The following TECPR2 variants were observed in gnomAD, a reference collection of about 807,000 sequenced individuals.
TECPR2 encodes tectonin beta-propeller repeat-containing protein 2.
A neutral mutation model predicts 138.1 loss-of-function variants in TECPR2; 65 were observed. That is an observed-to-expected ratio of 0.47 (90% confidence interval 0.39 to 0.58). The LOEUF (loss-of-function observed/expected upper bound fraction) is 0.58, where lower values mean the gene tolerates loss of function less well. Among genes scored for constraint, TECPR2 ranks in the 20% least tolerant of loss-of-function variants. The pLI is 0.00. For synonymous variants in TECPR2, 746 were observed against 749.8 expected, an observed-to-expected ratio of 0.99 and a Z score of 0.08; for missense variants, 1,553 against 1,824.5, an observed-to-expected ratio of 0.85 and a Z score of 2.71.
chr14:102,364,585 A>G (rs936569434), intron 1 of TECPR2, among the ~76,000 whole-genome samples: 4 of 152,222 alleles, frequency 2.6e-5, no homozygotes, highest in Non-Finnish European at 4.4e-5. Context: ...TGGAATGAGG[A>G]TAACCCTCTT....
intron 2 of TECPR2, among the ~76,000 whole-genome samples, chr14:102,388,121 C>T (rs1169053407): frequency 2.6e-5 from 4 of 152,176 alleles, no homozygotes; most frequent in Non-Finnish European, 1.5e-5. Context: ...TGCCCAGTGC[C>T]TTCCATTGTC....
chr14:102,445,710 C>A, intron 12 of TECPR2, 96 bp from the exon 13 acceptor site: 1 of 1,455,046 alleles, frequency 6.9e-7, no homozygotes, highest in Non-Finnish European at 9.2e-7. Context: ...CTTCTCCCAG[C>A]CACGCCTGCC....
intron 5 of TECPR2, among the ~76,000 whole-genome samples, chr14:102,418,785 G>A (rs1162066880): frequency 1.3e-5 from 2 of 152,194 alleles, no homozygotes; most frequent in Non-Finnish European, 2.9e-5. Flanking sequence ...AGGATGGGGC[G>A]GGGTTGGTGG....
At chr14:102,403,981 T>A (rs1223019205) in intron 2 of TECPR2, among the ~76,000 whole-genome samples, 1 of 151,990 alleles carries the variant, frequency 6.6e-6, no homozygotes, top group East Asian at 1.9e-4. Flanking sequence ...CACTGCAGCC[T>A]CAATCTCCTA....
chr14:102,366,727 G>A (rs1183571801), intron 1 of TECPR2, among the ~76,000 whole-genome samples: 2 of 152,204 alleles, frequency 1.3e-5, no homozygotes, highest in Non-Finnish European at 2.9e-5. Flanking sequence ...TCTACTCTGT[G>A]CCAAAGCTAT....
chr14:102,467,787 A>G (rs1225158668), intron 17 of TECPR2, among the ~76,000 whole-genome samples: 1 of 151,300 alleles, frequency 6.6e-6, no homozygotes, highest in Non-Finnish European at 1.5e-5. Context: ...CCCTCTTTTC[A>G]TGTGTTTATT....
chr14:102,402,208 C>T (rs1228052434), intron 2 of TECPR2, among the ~76,000 whole-genome samples: 1 of 152,100 alleles, frequency 6.6e-6, no homozygotes, highest in Non-Finnish European at 1.5e-5. Context: ...CTTATTGCAA[C>T]CACAACAGGA....
At chr14:102,367,502 A>G (rs1887375980) in intron 1 of TECPR2, among the ~76,000 whole-genome samples, 1 of 152,110 alleles carries the variant, frequency 6.6e-6, no homozygotes, top group Non-Finnish European at 1.5e-5. Context: ...GGAATCATAT[A>G]ATATATGGTG....
At chr14:102,495,496 T>A (rs1891255868) in intron 17 of TECPR2, among the ~76,000 whole-genome samples, 1 of 151,954 alleles carries the variant, frequency 6.6e-6, no homozygotes, top group African/African-American at 2.4e-5. Flanking sequence ...TCCAGGGGGA[T>A]GCAGGGACTC....
rs553092094 is a variant in TECPR2 at position 102,403,634 on chromosome 14, T to G, written c.220-3704T>G. On this transcript the variant is annotated intron_variant, in intron 2 of 19. Transcript: ENST00000359520. ...TCTTGTATGTAGAAACCCTAAAGAT[T>G]CCACAAAAAATTGTTTGAACTAATA... Among the ~76,000 whole-genome samples the G allele has an allele frequency of 1.8e-4, 27 of 152,148 alleles. No individual in the cohort carries two copies. In the South Asian group the frequency reaches 5.2e-3, roughly 29 times the overall value.
At chr14:102,403,939 C>G (rs1040082045) in intron 2 of TECPR2, among the ~76,000 whole-genome samples, 1 of 152,142 alleles carries the variant, frequency 6.6e-6, no homozygotes, top group Non-Finnish European at 1.5e-5. Context: ...GCTCTGTCAC[C>G]TAGGCTGGAG....
chr14:102,445,723 G>A, intron 12 of TECPR2, 83 bp from the exon 13 acceptor site: 3 of 1,481,790 alleles, frequency 2.0e-6, no homozygotes, highest in Non-Finnish European at 2.7e-6. Context: ...CGCCTGCCGG[G>A]AGACCCTGGA....
At position 102,497,054 on chromosome 14, in the gene TECPR2, A is replaced by G. The variant is rs1254776879; in HGVS notation, c.3865A>G (p.Asn1289Asp). ...QMLWVLDSRW[N>D]VHVRTGITEE... The stretch of plus-strand genomic sequence containing the variant: ...GCTGTGGGTGCTTGACAGCAGGTGG[A>G]ACGTGCACGTGCGGACCGGGATCAC... The change falls in exon 18 of 20, where the codon AAC becomes GAC. Residue 1289 changes from asparagine (N) to aspartate (D), a missense_variant. Asn to Asp is a conservative substitution (Grantham distance 23, BLOSUM62 1). Coordinates refer to ENST00000359520, the MANE Select transcript of TECPR2 (RefSeq NM_014844.5). 6.2e-7 allele frequency: 1 copy of G among 1,613,908 alleles called. No individual in the cohort carries two copies. The highest frequency in any genetic ancestry group is 2.2e-5 in the East Asian group (1 of 44,870).
chr14:102,415,214 T>C lies in TECPR2; in HGVS notation c.638+421T>C, dbSNP rs1888992342. Reference sequence around the variant, plus strand: ...CACTGTGGCAGGCTCAGCAGTGACATGGTAAACACGGCAGATCTGAGCCCT... The same window carrying C: ...CACTGTGGCAGGCTCAGCAGTGACACGGTAAACACGGCAGATCTGAGCCCT... On this transcript the variant is annotated intron_variant, in intron 5 of 19. Coordinates refer to ENST00000359520, the MANE Select transcript of TECPR2 (RefSeq NM_014844.5). This position sits in a 1 kb window ranked among gnomAD's most constrained non-coding sequence, Gnocchi z 4.3. Among the ~76,000 whole-genome samples the C allele has an allele frequency of 6.6e-6, 1 of 152,194 alleles. No individual in the cohort carries two copies. The highest frequency in any genetic ancestry group is 1.5e-5 in the Non-Finnish European group (1 of 68,026).
intron 2 of TECPR2, among the ~76,000 whole-genome samples, chr14:102,390,089 C>T (rs950402115): frequency 6.6e-6 from 1 of 152,194 alleles, no homozygotes; most frequent in Non-Finnish European, 1.5e-5. Context: ...GAAGGTTAAG[C>T]TTTGACCTAC....
At position 102,415,317 on chromosome 14, in the gene TECPR2, G is replaced by A. The variant is rs151312337; in HGVS notation, c.638+524G>A. Among the ~76,000 whole-genome samples the A allele has an allele frequency of 0.011, 1,637 of 152,320 alleles. 12 individuals carry two copies. Among genetic ancestry groups the A allele is most frequent in the Non-Finnish European group, 0.017 (1,148 of 68,032 alleles). On this transcript the variant is annotated intron_variant, in intron 5 of 19. Transcript: ENST00000359520. This position sits in a 1 kb window ranked among gnomAD's most constrained non-coding sequence, Gnocchi z 4.3. ...TGCTGTGGACCAAAATACACAGGAT[G>A]CTGTGTGAGTTTAGACACACTTTTG...
chr14:102,432,183 C>G, intron 8 of TECPR2, 55 bp downstream of exon 8: 1 of 1,424,630 alleles, frequency 7.0e-7, no homozygotes, highest in South Asian at 1.5e-5. Context: ...TCCAGATTCT[C>G]TGGGAGTGCT....
chr14:102,439,096 C>T (rs945130701), intron 10 of TECPR2, among the ~76,000 whole-genome samples: 1 of 151,922 alleles, frequency 6.6e-6, no homozygotes, highest in Non-Finnish European at 1.5e-5. Flanking sequence ...GATCTCCTGA[C>T]CTCATGATCC....
In TECPR2 at chr14:102,419,648, C is replaced by T. The variant is rs914018344; in HGVS notation, c.638+4855C>T. Among the ~76,000 whole-genome samples, 2 of 152,218 alleles carry T rather than the reference C, an allele frequency of 1.3e-5. No homozygotes were observed. Among genetic ancestry groups the T allele is most frequent in the South Asian group, 2.1e-4 (1 of 4,820 alleles). On this transcript the variant is annotated intron_variant, in intron 5 of 19. Transcript: ENST00000359520. The surrounding 1 kb of genome is among the most constrained non-coding windows in gnomAD (Gnocchi z 4.8). ...GGTCAGGAGGCCCAGAGGTAGAAGA[C>T]GAGGGGTCCTCTTCCCGTCGAGTCC...
Sources: allele counts gnomAD v4.1 joint callset (sites outside exome capture counted in the v4.1 genomes callset), GRCh38; gene constraint gnomAD v4.1.1; non-coding constraint Gnocchi (gnomAD v3.1); transcripts MANE v1.5; gene names NCBI Gene and HGNC (gene_info 2026-07-23, HGNC 2026-07-21).